The following PIKFYVE variants were observed in gnomAD, a reference collection of about 807,000 sequenced individuals.
The protein encoded by PIKFYVE is phosphoinositide kinase, FYVE-type zinc finger containing, also known as 1-phosphatidylinositol 3-phosphate 5-kinase.
A neutral mutation model predicts 257.9 loss-of-function variants in PIKFYVE; 122 were observed. The observed-to-expected ratio is 0.47, with a 90% CI of 0.41 to 0.55. The LOEUF (loss-of-function observed/expected upper bound fraction) is 0.55, where lower values mean the gene tolerates loss of function less well. PIKFYVE is among the 20% of genes least tolerant of loss of function. The pLI is 0.00. For missense variants in PIKFYVE, 2,160 were observed against 2,536.6 expected (o/e 0.85, Z 3.19); for synonymous variants, 892 against 868.9 (o/e 1.03, Z -0.47).
At position 208,356,676 on chromosome 2, in the gene PIKFYVE, G is replaced by T. The variant is rs1428665458; in HGVS notation, c.*1371G>T. 1 of 152,378 alleles carries T rather than the reference G, an allele frequency of 6.6e-6. No individual in the cohort carries two copies. The highest frequency in any genetic ancestry group is 2.4e-5 in the African/African-American group (1 of 41,392). 9.4% of individuals were successfully genotyped at this position (152,378 alleles called of 1,614,324 possible). A position where few individuals can be genotyped will look rare whatever the true frequency, so the allele number is the denominator to read the frequency against. On this transcript the variant is annotated 3_prime_UTR_variant, in exon 42 of 42. Transcript: ENST00000264380. ...CAAAAAACAAAACGAAACAAAAAAA[G>T]AAAGTTATTCTTAGTAAGGAACTTC...
chr2:208,345,017 T>C, intron 32 of PIKFYVE, 94 bp from the exon 33 acceptor site: 2 of 860,482 alleles, frequency 2.3e-6, no homozygotes, highest in Non-Finnish European at 3.8e-6. Context: ...ATAATGATTG[T>C]GCTTCTATAA....
chr2:208,342,794 C>CTTTTTT (rs35986928), intron 32 of PIKFYVE, 145 bp downstream of exon 32: 23 of 380,042 alleles, frequency 6.1e-5, no homozygotes, highest in Admixed American at 1.3e-4. Flanking sequence ...ATAGCTTGTT[C>CTTTTTT]TTTTTTTTTT....
Position 208,347,893 on chromosome 2 carries a change from A to T in PIKFYVE, c.5244A>T (p.Arg1748Ser). The T allele has an allele frequency of 6.2e-7, 1 of 1,613,850 alleles. No homozygotes were observed. The highest frequency in any genetic ancestry group is 2.2e-5 in the East Asian group (1 of 44,880). The change falls in exon 35 of 42, where the codon AGA (arginine) becomes AGT (serine). Residue 1748 changes from arginine (R) to serine (S), a missense_variant. Physicochemically the swap from Arg to Ser is moderately radical, Grantham distance 110. Transcript: ENST00000264380. Reference protein sequence around the residue: ...KKASGMLSFFRGTAGKSPDLS... With the variant: ...KKASGMLSFFSGTAGKSPDLS... ...CTTCTGGAATGTTGTCCTTCTTCAG[A>T]GGGACAGCAGGGAAAAGCCCCGATC... is the stretch of plus-strand genomic sequence containing the variant.
Position 208,325,324 on chromosome 2 carries a change from C to T in PIKFYVE, c.2513C>T (p.Thr838Ile), listed in dbSNP as rs769132277. 14 of 1,614,132 alleles carry T rather than the reference C, an allele frequency of 8.7e-6. No homozygotes were observed. The highest frequency in any genetic ancestry group is 1.2e-5 in the Non-Finnish European group (14 of 1,180,014). Residue 838 changes from threonine (T) to isoleucine (I), a missense_variant, in exon 20 of 42, where the codon ACA becomes ATA. Around this residue, in one of 12 missense-constraint regions of PIKFYVE, gnomAD observed 522 missense variants for 514.6 expected, o/e 1.01. Coordinates refer to ENST00000264380, the MANE Select transcript of PIKFYVE (RefSeq NM_015040.4). ...GGTTGTCCACAGCACCTAGGCTGTA[C>T]AATCAAGCTAAGAGGAGGCTCTGAT... is the stretch of plus-strand genomic sequence containing the variant. ...FEGCPQHLGC[T>I]IKLRGGSDYE...
chr2:208,267,106 T>C (rs1688736670), intron 1 of PIKFYVE, among the ~76,000 whole-genome samples: 1 of 152,244 alleles, frequency 6.6e-6, no homozygotes, highest in Non-Finnish European at 1.5e-5. Context: ...AAGCAAGTTA[T>C]TCGTGTGTAT....
chr2:208,301,188 GT>G, intron 9 of PIKFYVE, 94 bp downstream of exon 9: 1 of 1,464,936 alleles, frequency 6.8e-7, no homozygotes, highest in South Asian at 1.2e-5. Context: ...TCTTTGTAGA[GT>G]TAGGGTGCTC....
intron 7 of PIKFYVE, among the ~76,000 whole-genome samples, chr2:208,294,815 A>T (rs185058240): frequency 6.6e-6 from 1 of 152,280 alleles, no homozygotes; most frequent in East Asian, 1.9e-4. Context: ...TCCTCAGGGC[A>T]GGACTTGTTA....
At chr2:208,287,938 T>G (rs1187168111) in intron 6 of PIKFYVE, among the ~76,000 whole-genome samples, 1 of 19,206 alleles carries the variant, frequency 5.2e-5, no homozygotes, top group East Asian at 1.8e-3. Context: ...TATGGCATTA[T>G]GATTTTTTTA....
At chr2:208,336,539 A>G (rs528475581) in intron 27 of PIKFYVE, among the ~76,000 whole-genome samples, 29 of 152,228 alleles carry the variant, frequency 1.9e-4, no homozygotes, top group Admixed American at 1.6e-3. Context: ...AGCAATTTCA[A>G]ATATATTGTA....
intron 28 of PIKFYVE, 36 bp downstream of exon 28, chr2:208,336,964 A>G: frequency 1.0e-5 from 15 of 1,442,714 alleles, no homozygotes; most frequent in Non-Finnish European, 1.4e-5. Flanking sequence ...TCCTTAATCA[A>G]TAGAAATATA....
At chr2:208,349,653 A>T (rs1034271102) in intron 35 of PIKFYVE, among the ~76,000 whole-genome samples, 5 of 151,766 alleles carry the variant, frequency 3.3e-5, no homozygotes, top group Non-Finnish European at 7.4e-5. Flanking sequence ...AGCATTGCAA[A>T]CTATTGGGGA....
At chr2:208,304,344 G>A (rs763867021) in intron 11 of PIKFYVE, 26 bp downstream of exon 11, 12 of 1,605,976 alleles carry the variant, frequency 7.5e-6, no homozygotes, top group Non-Finnish European at 1.0e-5. Flanking sequence ...TAACATTTTA[G>A]TTTTGATGGG....
At chr2:208,347,264 A>G (rs1699318492) in intron 34 of PIKFYVE, among the ~76,000 whole-genome samples, 1 of 152,256 alleles carries the variant, frequency 6.6e-6, no homozygotes. Context: ...TATTAATAGT[A>G]TGATGAATGA....
At chr2:208,293,991 A>G (rs1692644654) in intron 7 of PIKFYVE, among the ~76,000 whole-genome samples, 1 of 152,096 alleles carries the variant, frequency 6.6e-6, no homozygotes, top group African/African-American at 2.4e-5. Context: ...CTCAGTGATT[A>G]TGGCTTCAAA....
chr2:208,277,822 G>C (rs1284574350), intron 5 of PIKFYVE, 114 bp downstream of exon 5: 4 of 1,077,178 alleles, frequency 3.7e-6, no homozygotes. Flanking sequence ...GTAAGACATG[G>C]GGACACAAAG....
chr2:208,283,561 G>C (rs1195139847), intron 5 of PIKFYVE, among the ~76,000 whole-genome samples: 1 of 152,086 alleles, frequency 6.6e-6, no homozygotes, highest in Non-Finnish European at 1.5e-5. Context: ...CTTTCTGCAG[G>C]GAGTAATTTC....
At position 208,320,519 on chromosome 2, in the gene PIKFYVE, A is replaced by G. The variant is rs76224227; in HGVS notation, c.2190+160A>G. ...TGTCACTCATTATTTTTAAAGTTTC[A>G]TAGTATTAAAGGTAACATGTGACTG... On this transcript the variant is annotated intron_variant, in intron 17 of 41. Transcript: ENST00000264380. Among the ~76,000 whole-genome samples, 51 of 152,328 alleles carry G rather than the reference A, an allele frequency of 3.3e-4. 1 individual carries two copies. The East Asian group carries it at 9.6e-3, about 29-fold the overall frequency.
chr2:208,306,358 A>G (rs1051805060), intron 12 of PIKFYVE, among the ~76,000 whole-genome samples: 1 of 152,188 alleles, frequency 6.6e-6, no homozygotes, highest in Admixed American at 6.5e-5. Context: ...CACTTGGAGG[A>G]TATTATGAAG....
intron 16 of PIKFYVE, among the ~76,000 whole-genome samples, chr2:208,319,427 G>C (rs2125515115): frequency 6.6e-6 from 1 of 152,296 alleles, no homozygotes; most frequent in Non-Finnish European, 1.5e-5. Context: ...GATATTTGTT[G>C]AATTAAGAGG....
Sources: gnomAD v4.1 joint callset for allele counts (sites outside exome capture counted in the v4.1 genomes callset) on GRCh38, gnomAD v4.1.1 for gene constraint, gnomAD v4.1.1 regional missense constraint, MANE v1.5 for transcripts, NCBI Gene and HGNC (gene_info 2026-07-23, HGNC 2026-07-21) for gene names.